Variants in NBEAL1 observed in about 807,000 individuals in gnomAD.
NBEAL1 encodes the protein neurobeachin-like protein 1.
NBEAL1 carries 273 observed loss-of-function variants against 351.3 expected under a neutral mutation model. The observed-to-expected ratio is 0.78, with a 90% confidence interval of 0.70 to 0.86. The LOEUF is 0.86. NBEAL1 is among the 40% of genes least tolerant of loss of function. NBEAL1 has a pLI of 0.00. For missense variants in NBEAL1, 2,961 were observed against 3,201.3 expected, an observed-to-expected ratio of 0.92 and a Z score of 1.81; for synonymous variants, 1,050 against 1,086.4, an observed-to-expected ratio of 0.97 and a Z score of 0.66.
At chr2:203,082,174 T>C (rs1353566000) in intron 8 of NBEAL1, among the ~76,000 whole-genome samples, 2 of 152,176 alleles carry the variant, frequency 1.3e-5, no homozygotes, top group African/African-American at 4.8e-5. Context: ...CATATGACTA[T>C]AGAGAAGGAA....
At chr2:203,199,839 C>T (rs1358519484) in intron 49 of NBEAL1, among the ~76,000 whole-genome samples, 1 of 152,040 alleles carries the variant, frequency 6.6e-6, no homozygotes, top group Non-Finnish European at 1.5e-5. Context: ...CCTCCCCAAC[C>T]TTCCCTTATT....
intron 8 of NBEAL1, among the ~76,000 whole-genome samples, chr2:203,081,373 A>C (rs1183744568): frequency 6.6e-6 from 1 of 152,230 alleles, no homozygotes; most frequent in African/African-American, 2.4e-5. Context: ...GTGACTTTGG[A>C]TATACTATTT....
chr2:203,019,563 T>G (rs1385017317), intron 2 of NBEAL1, among the ~76,000 whole-genome samples: 1 of 152,188 alleles, frequency 6.6e-6, no homozygotes, highest in African/African-American at 2.4e-5. Flanking sequence ...CTTGGAAGAT[T>G]TATGAAGGAC....
In NBEAL1 at chr2:203,099,666, C is replaced by T; in HGVS notation, c.1223C>T (p.Thr408Ile). 1 of 1,552,066 alleles carries T rather than the reference C, an allele frequency of 6.4e-7. No homozygotes were observed. Among genetic ancestry groups the T allele is most frequent in the Non-Finnish European group, 8.7e-7 (1 of 1,146,896 alleles). ...QGQLDCLAIS[T>I]IQALTAVMNK... is the part of the protein sequence containing the mutation. Reference sequence around the variant, plus strand: ...CAATTGGATTGTTTGGCCATATCAACCATTCAGGCTTTGACCGCAGTAATG... The same window carrying T: ...CAATTGGATTGTTTGGCCATATCAATCATTCAGGCTTTGACCGCAGTAATG... Residue 408 changes from threonine to isoleucine, a missense_variant, in exon 12 of 56, where the codon ACC becomes ATC. Coordinates refer to ENST00000683969, the MANE Select transcript of NBEAL1 (RefSeq NM_001378026.1).
chr2:203,140,893 C>T (rs1340241297), intron 31 of NBEAL1, among the ~76,000 whole-genome samples: 2 of 152,036 alleles, frequency 1.3e-5, no homozygotes, highest in African/African-American at 2.4e-5. Context: ...GCATGAGAAT[C>T]GCTTGAACCC....
At chr2:203,066,080 C>T (rs1574920651) in intron 6 of NBEAL1, among the ~76,000 whole-genome samples, 2 of 152,128 alleles carry the variant, frequency 1.3e-5, no homozygotes, top group African/African-American at 4.8e-5. Flanking sequence ...ATTCTTACCA[C>T]AAATATATTG....
chr2:203,194,657 T>C (rs1205817814), intron 47 of NBEAL1, among the ~76,000 whole-genome samples: 5 of 152,140 alleles, frequency 3.3e-5, no homozygotes, highest in Admixed American at 6.5e-5. Context: ...CTCAAAGATA[T>C]TCTGTAGATA....
chr2:203,154,289 GA>G (rs894189298), intron 35 of NBEAL1, among the ~76,000 whole-genome samples: 18 of 148,786 alleles, frequency 1.2e-4, no homozygotes, highest in African/African-American at 3.7e-4. Context: ...AAACTGTACA[GA>G]AAAAAAAATT....
At chr2:203,177,274 C>T (rs1250985647) in intron 42 of NBEAL1, among the ~76,000 whole-genome samples, 3 of 150,780 alleles carry the variant, frequency 2.0e-5, no homozygotes, top group African/African-American at 4.9e-5. Context: ...GTGGCACACA[C>T]CTATAACTTC....
In NBEAL1 at chr2:203,175,191, A is replaced by G. The variant is rs1251415236; in HGVS notation, c.6368A>G (p.His2123Arg). The G allele has an allele frequency of 6.2e-7, 1 of 1,612,896 alleles. No individual in the cohort carries two copies. The highest frequency in any genetic ancestry group is 1.7e-5 in the Admixed American group (1 of 59,848). ...CCTATGGGAACTATTGATAAGTTTC[A>G]CTATGGTACTCACTATTCAAATTCT... ...EDPMGTIDKF[H>R]YGTHYSNSAG... The change falls in exon 42 of 56, where the codon CAC (histidine) becomes CGC (arginine). Residue 2123 changes from histidine (H) to arginine (R), a missense_variant. His to Arg is a conservative substitution (Grantham distance 29, BLOSUM62 0). Transcript: ENST00000683969.
Position 203,138,324 on chromosome 2 carries a change from A to G in NBEAL1, c.4719+9A>G, listed in dbSNP as rs1274733707. On this transcript the variant is annotated intron_variant, in intron 30 of 55. Coordinates refer to ENST00000683969, the MANE Select transcript of NBEAL1 (RefSeq NM_001378026.1). The stretch of plus-strand genomic sequence containing the variant: ...ACATGTGGACCGAGAAGGTGCAGTA[A>G]TATCTCTTTAAAATTATATTTTGGG... 3.1e-6 allele frequency: 5 copies of G among 1,594,728 alleles called. No individual in the cohort carries two copies.
Position 203,132,084 on chromosome 2 carries a change from G to C in NBEAL1, c.3676G>C (p.Val1226Leu). 3.2e-6 allele frequency: 5 copies of C among 1,547,632 alleles called. No individual in the cohort carries two copies. The highest frequency in any genetic ancestry group is 4.4e-6 in the Non-Finnish European group (5 of 1,142,580). Residue 1226 changes from valine (V) to leucine (L), a missense_variant, in exon 26 of 56, where the codon GTT becomes CTT. Transcript: ENST00000683969. ...GGGACTCCTTCTTAATGAAGCACTT[G>C]TTAATACTTCTCTTATTAAAAACCT... ...GLGLLLNEAL[V>L]NTSLIKNLTH...
Position 203,016,367 on chromosome 2 carries a change from GC to G in NBEAL1, c.-16del. On this transcript the variant is annotated 5_prime_UTR_variant, in exon 2 of 56. Transcript: ENST00000683969. ...AATTTTTTTAAGGAAAACTTAAAGT[GC>G]CAGAGTGAAAGCCAGAATGGCATCC... 1 of 1,465,420 alleles carries G rather than the reference GC, an allele frequency of 6.8e-7. No homozygotes were observed. Among genetic ancestry groups the G allele is most frequent in the Non-Finnish European group, 9.2e-7 (1 of 1,090,892 alleles). The allele number at this position is 1,465,420 out of a possible 1,614,324, so 90.8% of individuals were successfully genotyped here. A position where few individuals can be genotyped will look rare whatever the true frequency, so the allele number is the denominator to read the frequency against.
intron 6 of NBEAL1, among the ~76,000 whole-genome samples, chr2:203,065,629 G>A (rs930245234): frequency 3.3e-5 from 5 of 152,090 alleles, no homozygotes; most frequent in African/African-American, 1.2e-4. Context: ...GCGGGCGCCT[G>A]TAGTCCCAGC....
At position 203,175,195 on chromosome 2, in the gene NBEAL1, TG is replaced by T; in HGVS notation, c.6374del (p.Gly2125ValfsTer17). On this transcript the variant is annotated frameshift_variant, in exon 42 of 56. Transcript: ENST00000683969. LOFTEE classifies it high-confidence loss of function. ...PMGTIDKFHY[G>X]THYSNSAGVM... is the part of the protein sequence containing the mutation. ...TGGGAACTATTGATAAGTTTCACTATGGTACTCACTATTCAAATTCTGCGGG... is the reference window on the plus strand; with the variant it reads ...TGGGAACTATTGATAAGTTTCACTATGTACTCACTATTCAAATTCTGCGGG... 6.2e-7 allele frequency: 1 copy of T among 1,613,464 alleles called. No homozygotes were observed. Among genetic ancestry groups the T allele is most frequent in the African/African-American group, 1.3e-5 (1 of 75,054 alleles).
chr2:203,201,262 A>G (rs1233125490), intron 49 of NBEAL1, among the ~76,000 whole-genome samples: 1 of 152,226 alleles, frequency 6.6e-6, no homozygotes, highest in African/African-American at 2.4e-5. Flanking sequence ...CAATTTTATT[A>G]AATTGTCTTT....
At chr2:203,040,806 A>T in intron 2 of NBEAL1, 1 of 513,988 alleles carries the variant, frequency 1.9e-6, no homozygotes, top group Non-Finnish European at 3.7e-6. Flanking sequence ...AACCTCCACT[A>T]TATACCAAAA....
intron 36 of NBEAL1, among the ~76,000 whole-genome samples, chr2:203,159,228 T>C (rs532641677): frequency 3.9e-5 from 6 of 152,320 alleles, no homozygotes; most frequent in African/African-American, 1.4e-4. Flanking sequence ...CTCACAAACA[T>C]AAAATTTACC....
At chr2:203,190,860 C>A (rs2065054388) in intron 46 of NBEAL1, 1 of 1,610,900 alleles carries the variant, frequency 6.2e-7, no homozygotes, top group South Asian at 1.1e-5. Context: ...CCACTTCTGC[C>A]CTGGCCCCCA....
Sources: allele counts gnomAD v4.1 joint callset (sites outside exome capture counted in the v4.1 genomes callset), GRCh38; gene constraint gnomAD v4.1.1; transcripts MANE v1.5; gene names NCBI Gene and HGNC (gene_info 2026-07-23, HGNC 2026-07-21).